Variants in AKAP17A observed in about 807,000 individuals in gnomAD.
The protein encoded by AKAP17A is A-kinase anchor protein 17A.
A neutral mutation model predicts 52.2 loss-of-function variants in AKAP17A; 15 were observed. The ratio of observed to expected loss-of-function variants is 0.29; its 90% CI spans 0.19 to 0.44. The LOEUF (loss-of-function observed/expected upper bound fraction) is 0.44. Ranked by LOEUF, AKAP17A falls within the 20% of genes least tolerant of loss-of-function variation. The probability of loss-of-function intolerance (pLI) is 1.00; values close to 1 mark genes in which losing one functional copy is unlikely to be tolerated. For missense variants in AKAP17A, 1,060 were observed against 1,007.0 expected (o/e 1.05, Z -0.71); for synonymous variants, 514 against 424.7 (o/e 1.21, Z -2.58).
chrX:1,594,764 G>A lies in AKAP17A; in HGVS notation c.762+540G>A, dbSNP rs181707993. 3.4e-4 allele frequency among the ~76,000 whole-genome samples: 52 copies of A among 152,060 alleles called. No individual in the cohort carries two copies. In the East Asian group the frequency reaches 3.5e-3, roughly 10 times the overall value. On this transcript the variant is annotated intron_variant, in intron 2 of 4. Transcript: ENST00000313871. Reference sequence around the variant, plus strand: ...CTCCCGAGTAGCTGGGACTACAGGCGCGTGCCATCACACCTGGCTAATTTT... The same window carrying A: ...CTCCCGAGTAGCTGGGACTACAGGCACGTGCCATCACACCTGGCTAATTTT...
At position 1,599,277 on chromosome X, in the gene AKAP17A, G is replaced by A. The variant is rs369927404; in HGVS notation, c.997G>A (p.Glu333Lys). 3 of 1,612,202 alleles carry A rather than the reference G, an allele frequency of 1.9e-6. No individual in the cohort carries two copies. Among genetic ancestry groups the A allele is most frequent in the Middle Eastern group, 2.0e-4 (1 of 5,070 alleles). The change falls in exon 4 of 5, where the codon GAG becomes AAG. Residue 333 changes from glutamate to lysine, a missense_variant. By Grantham distance (56) the Glu-to-Lys change is moderately conservative (BLOSUM62 1). This residue lies in a region of AKAP17A where 793 missense variants were observed against 629.9 expected (regional missense o/e 1.26). Transcript: ENST00000313871. ...RKREQKQRDR[E>K]LRRNQKKLEK... is the part of the protein sequence containing the mutation. ...GAGGGAGCAGAAGCAGAGGGACCGT[G>A]AGCTGCGCCGGAATCAGAAGAAGCT...
intron 3 of AKAP17A, among the ~76,000 whole-genome samples, chrX:1,597,107 C>G (rs1220407564): frequency 2.0e-5 from 3 of 152,146 alleles, no homozygotes; most frequent in Non-Finnish European, 4.4e-5. Flanking sequence ...TTCCATTTCT[C>G]ACTGCTTTAT....
intron 3 of AKAP17A, among the ~76,000 whole-genome samples, chrX:1,596,438 TC>T (rs1932983695): frequency 3.6e-5 from 4 of 110,520 alleles, no homozygotes; most frequent in African/African-American, 1.4e-4. Flanking sequence ...CTCCTCCTCC[TC>T]CTCCTCCTCC....
rs751657807 is a variant in AKAP17A, at chrX:1,599,099, G to C, written c.912-93G>C. On this transcript the variant is annotated intron_variant, in intron 3 of 4. Transcript: ENST00000313871. ...TTAAATGCTTAATCGTTGGACCGTG[G>C]CCTGTTCCGCCGTGTTTGGAAAGCC... is the stretch of plus-strand genomic sequence containing the variant. The C allele has an allele frequency of 1.0e-5, 16 of 1,537,854 alleles. No individual in the cohort carries two copies. In the African/African-American group the frequency reaches 1.2e-4, roughly 12 times the overall value.
chrX:1,594,048 C>T lies in AKAP17A; in HGVS notation c.586C>T (p.Arg196Trp), dbSNP rs368074392. The T allele has an allele frequency of 3.7e-6, 6 of 1,612,340 alleles. No homozygotes were observed. Among genetic ancestry groups the T allele is most frequent in the African/African-American group, 1.3e-5 (1 of 74,872 alleles). ...GGACATCCCCATGCTGGACCCCTAC[C>T]GGGAGGAGATGACGGGCCGCAACTT... Reference protein sequence around the residue: ...NVDIPMLDPYREEMTGRNFHT... With the variant: ...NVDIPMLDPYWEEMTGRNFHT... Residue 196 changes from arginine (R) to tryptophan (W), a missense_variant, in exon 2 of 5, where the codon CGG becomes TGG. Around this residue, in one of 2 missense-constraint regions of AKAP17A, gnomAD observed 267 missense variants for 377.1 expected, o/e 0.71. Coordinates refer to ENST00000313871, the MANE Select transcript of AKAP17A (RefSeq NM_005088.3).
In AKAP17A at chrX:1,595,420, T is replaced by A. The variant is rs1254980552; in HGVS notation, c.799T>A (p.Ser267Thr). The change falls in exon 3 of 5, where the codon TCA (serine) becomes ACA (threonine). Residue 267 changes from serine to threonine, a missense_variant. By Grantham distance (58) the Ser-to-Thr change is moderately conservative (BLOSUM62 1). Around this residue, in one of 2 missense-constraint regions of AKAP17A, gnomAD observed 793 missense variants for 629.9 expected, o/e 1.26. Coordinates refer to ENST00000313871, the MANE Select transcript of AKAP17A (RefSeq NM_005088.3). ...FDSTKHLSDA[S>T]IKKRQLERQK... ...TTCGACCAAACACCTGAGTGATGCCTCAATTAAGAAGCGGCAGCTGGAGAG... is the reference window on the plus strand; with the variant it reads ...TTCGACCAAACACCTGAGTGATGCCACAATTAAGAAGCGGCAGCTGGAGAG... 6.2e-7 allele frequency: 1 copy of A among 1,613,836 alleles called. No homozygotes were observed.
intron 4 of AKAP17A, chrX:1,599,694 G>A (rs1187223349): frequency 2.0e-5 from 13 of 644,072 alleles, no homozygotes; most frequent in African/African-American, 3.7e-5. Flanking sequence ...GCAGCCTCCC[G>A]GGGGCCAGGG....
In AKAP17A at chrX:1,600,801, G is replaced by T; in HGVS notation, c.1295G>T (p.Arg432Leu). The T allele has an allele frequency of 6.3e-7, 1 of 1,589,596 alleles. No homozygotes were observed. The change falls in exon 5 of 5, where the codon CGG becomes CTG. Residue 432 changes from arginine to leucine, a missense_variant. Physicochemically the swap from Arg to Leu is moderately radical, Grantham distance 102 (BLOSUM62 -2). Transcript: ENST00000313871. ...ERALGLQRKE[R>L]ELRERLLSIL... ...GCGCTGGGCCTGCAGCGGAAAGAGC[G>T]GGAGCTGCGCGAGCGGCTGCTGAGC...
intron 3 of AKAP17A, among the ~76,000 whole-genome samples, chrX:1,598,803 C>T (rs1486952802): frequency 4.6e-5 from 7 of 152,320 alleles, no homozygotes; most frequent in African/African-American, 1.4e-4. Flanking sequence ...GTGGGCAGAA[C>T]CGGCGTCCTC....
chrX:1,594,320 C>G, intron 2 of AKAP17A, 96 bp downstream of exon 2: 1 of 1,386,916 alleles, frequency 7.2e-7, no homozygotes, highest in Non-Finnish European at 9.6e-7. Context: ...ACCCCTGAGG[C>G]TGTGGGGACC....
Position 1,593,435 on chromosome X carries a change from A to C in AKAP17A, c.-19-9A>C. Reference sequence around the variant, plus strand: ...TGCTGGTGCTGACTGTCTGCGTCTTATGTTTCAGGCCCAAGGTCCCGGAGG... The same window carrying C: ...TGCTGGTGCTGACTGTCTGCGTCTTCTGTTTCAGGCCCAAGGTCCCGGAGG... On this transcript the variant is annotated splice_polypyrimidine_tract_variant and intron_variant, in intron 1 of 4. Transcript: ENST00000313871. 2 of 1,596,992 alleles carry C rather than the reference A, an allele frequency of 1.3e-6. No homozygotes were observed. Among genetic ancestry groups the C allele is most frequent in the Non-Finnish European group, 1.7e-6 (2 of 1,169,444 alleles).
chrX:1,593,492 G>A lies in AKAP17A; in HGVS notation c.30G>A (p.Thr10=), dbSNP rs150529812. Residue 10 remains threonine, a synonymous_variant, in exon 2 of 5, where the codon ACG becomes ACA. Transcript: ENST00000313871. MAAATIVHD[T]SEAVELCPAY... ...CAGCGGCTACCATCGTGCACGACAC[G>A]TCTGAGGCCGTGGAGCTCTGCCCTG... is the stretch of plus-strand genomic sequence containing the variant. 232 of 1,613,536 alleles carry A rather than the reference G, an allele frequency of 1.4e-4. No individual in the cohort carries two copies. Among genetic ancestry groups the A allele is most frequent in the Non-Finnish European group, 3.6e-5 (42 of 1,179,848 alleles).
chrX:1,595,602 G>C, intron 3 of AKAP17A, 70 bp downstream of exon 3: 2 of 1,595,124 alleles, frequency 1.3e-6, no homozygotes, highest in Non-Finnish European at 1.7e-6. Flanking sequence ...ACCCGTGTGC[G>C]TGTGTCTGCA....
Position 1,593,404 on chromosome X carries a change from G to T in AKAP17A, c.-19-40G>T, listed in dbSNP as rs752676373. 7.1e-6 allele frequency: 11 copies of T among 1,557,144 alleles called. No individual in the cohort carries two copies. The Middle Eastern group carries it at 1.1e-3, about 149-fold the overall frequency. On this transcript the variant is annotated intron_variant, in intron 1 of 4. Coordinates refer to ENST00000313871, the MANE Select transcript of AKAP17A (RefSeq NM_005088.3). Reference sequence around the variant, plus strand: ...GCCCCTCCTCATTGGCGGGGGAGGTGGGGGGTGCTGGTGCTGACTGTCTGC... The same window carrying T: ...GCCCCTCCTCATTGGCGGGGGAGGTTGGGGGTGCTGGTGCTGACTGTCTGC...
chrX:1,599,100 C>T, intron 3 of AKAP17A, 92 bp from the exon 4 acceptor site: 1 of 1,537,924 alleles, frequency 6.5e-7, no homozygotes, highest in African/African-American at 1.4e-5. Flanking sequence ...TGGACCGTGG[C>T]CTGTTCCGCC....
intron 4 of AKAP17A, 53 bp downstream of exon 4, chrX:1,599,485 G>T (rs748992284): frequency 6.4e-7 from 1 of 1,551,134 alleles, no homozygotes; most frequent in Non-Finnish European, 8.7e-7. Context: ...TGCCCTCAGT[G>T]CCCTCCCCTG....
At chrX:1,597,320 C>T (rs771892653) in intron 3 of AKAP17A, among the ~76,000 whole-genome samples, 14 of 152,230 alleles carry the variant, frequency 9.2e-5, no homozygotes, top group South Asian at 2.1e-4. Context: ...AGTGTGTAAG[C>T]GAGTGGCCGT....
At chrX:1,600,202 C>A in intron 4 of AKAP17A, 2 of 1,311,894 alleles carry the variant, frequency 1.5e-6, no homozygotes, top group Non-Finnish European at 1.0e-6. Context: ...CAGTCCTTAC[C>A]TCATGGTGAA....
chrX:1,600,247 G>C, intron 4 of AKAP17A: 15 of 1,275,322 alleles, frequency 1.2e-5, no homozygotes, highest in Non-Finnish European at 1.6e-5. Flanking sequence ...GGCCAGGCTC[G>C]CCCCGCAGCT....
Sources: gnomAD v4.1 joint callset for allele counts (sites outside exome capture counted in the v4.1 genomes callset) on GRCh38, gnomAD v4.1.1 for gene constraint, gnomAD v4.1.1 regional missense constraint, MANE v1.5 for transcripts, NCBI Gene and HGNC (gene_info 2026-07-23, HGNC 2026-07-21) for gene names.